DSCAM: variants seen among roughly 807,000 people sequenced by gnomAD.
DSCAM encodes cell adhesion molecule DSCAM.
In DSCAM, 47 loss-of-function variants were observed where a neutral mutation model predicts 217.7. The ratio of observed to expected loss-of-function variants is 0.22; its 90% confidence interval spans 0.17 to 0.28. The LOEUF (loss-of-function observed/expected upper bound fraction) is 0.28. Among genes scored for constraint, DSCAM ranks in the 10% least tolerant of loss-of-function variants. DSCAM has a pLI of 1.00. For missense variants in DSCAM, 2,080 were observed against 2,618.3 expected (o/e 0.79, Z 4.49); for synonymous variants, 1,056 against 1,015.3 (o/e 1.04, Z -0.76).
intron 32 of DSCAM, among the ~76,000 whole-genome samples, chr21:40,030,181 C>G (rs934485012): frequency 6.6e-6 from 1 of 152,218 alleles, no homozygotes; most frequent in Non-Finnish European, 1.5e-5. Flanking sequence ...TAGAGGAAGG[C>G]TTGCTCCCTC....
intron 3 of DSCAM, among the ~76,000 whole-genome samples, chr21:40,387,468 AT>A (rs1244400543): frequency 6.6e-6 from 1 of 152,014 alleles, no homozygotes; most frequent in African/African-American, 2.4e-5. Context: ...CTGGTTTGGG[AT>A]TTGTAGTCTC....
At chr21:40,018,174 G>A (rs2088198195) in intron 32 of DSCAM, among the ~76,000 whole-genome samples, 1 of 152,126 alleles carries the variant, frequency 6.6e-6, no homozygotes, top group East Asian at 1.9e-4. Context: ...CTGTCATTAA[G>A]AAAAAATTGA....
At chr21:40,229,058 A>G (rs1477667838) in intron 11 of DSCAM, among the ~76,000 whole-genome samples, 5 of 152,198 alleles carry the variant, frequency 3.3e-5, no homozygotes, top group Non-Finnish European at 7.3e-5. Context: ...CTTCATGGTG[A>G]GAAACCCAAC....
chr21:40,286,411 C>G (rs12626576), intron 10 of DSCAM, among the ~76,000 whole-genome samples: 53,892 of 151,870 alleles, frequency 0.35, 9,925 homozygotes, highest in East Asian at 0.44. Context: ...ACGAGGCTGG[C>G]GCAGAGTGAA....
intron 1 of DSCAM, among the ~76,000 whole-genome samples, chr21:40,818,900 A>G (rs1367523599): frequency 2.6e-5 from 4 of 152,242 alleles, no homozygotes; most frequent in Middle Eastern, 3.2e-3. Flanking sequence ...ATTATTTTAT[A>G]TAAAAAGAGC....
chr21:40,189,123 C>G lies in DSCAM; in HGVS notation c.2472G>C (p.Glu824Asp). ...EKPIIVRWEK[E>D]DRIINPEMAR... is the part of the protein sequence containing the mutation. ...CCATCTCAGGGTTAATGATTCGGTCCTCCTTCTCCCAGCGGACTATAATGG... is the reference window on the plus strand; with the variant it reads ...CCATCTCAGGGTTAATGATTCGGTCGTCCTTCTCCCAGCGGACTATAATGG... Residue 824 changes from glutamate (E) to aspartate (D), a missense_variant, in exon 12 of 33, where the codon GAG becomes GAC. Physicochemically the swap from Glu to Asp is conservative, Grantham distance 45. Around this residue, in one of 5 missense-constraint regions of DSCAM, gnomAD observed 1,144 missense variants for 1,421.1 expected, o/e 0.81. Transcript: ENST00000400454. 6.2e-7 allele frequency: 1 copy of G among 1,614,158 alleles called. No homozygotes were observed. Among genetic ancestry groups the G allele is most frequent in the East Asian group, 2.2e-5 (1 of 44,872 alleles).
chr21:40,629,901 AAG>A (rs1018322844), intron 3 of DSCAM, among the ~76,000 whole-genome samples: 6 of 152,340 alleles, frequency 3.9e-5, no homozygotes, highest in Middle Eastern at 3.4e-3. Context: ...AGATTAATAA[AAG>A]AAGTTATCTG....
intron 3 of DSCAM, among the ~76,000 whole-genome samples, chr21:40,518,684 A>G (rs748042116): frequency 7.2e-6 from 1 of 138,026 alleles, no homozygotes; most frequent in African/African-American, 2.9e-5. Context: ...GTGTGTATGT[A>G]TATATATGTA....
At chr21:40,106,499 A>G (rs2089822768) in intron 20 of DSCAM, among the ~76,000 whole-genome samples, 1 of 152,190 alleles carries the variant, frequency 6.6e-6, no homozygotes, top group African/African-American at 2.4e-5. Context: ...CGAGTTAGGA[A>G]GGAGTCCCCC....
chr21:40,142,542 A>G lies in DSCAM; in HGVS notation c.3406+16T>C, dbSNP rs1022883713. 1 of 1,613,606 alleles carries G rather than the reference A, an allele frequency of 6.2e-7. No individual in the cohort carries two copies. Among genetic ancestry groups the G allele is most frequent in the African/African-American group, 1.3e-5 (1 of 74,984 alleles). On this transcript the variant is annotated intron_variant, in intron 18 of 32. Coordinates refer to ENST00000400454, the MANE Select transcript of DSCAM (RefSeq NM_001389.5). Reference sequence around the variant, plus strand: ...TCTCTGGAGGCAAACCCAAAGTCCTAGTTTAGTCCTCTTACCTCCGTCCAT... The same window carrying G: ...TCTCTGGAGGCAAACCCAAAGTCCTGGTTTAGTCCTCTTACCTCCGTCCAT...
At chr21:40,675,435 C>A (rs888797499) in intron 3 of DSCAM, among the ~76,000 whole-genome samples, 1 of 152,154 alleles carries the variant, frequency 6.6e-6, no homozygotes, top group Admixed American at 6.5e-5. Context: ...CCTTCATTTC[C>A]ATCCAATGTA....
At chr21:40,687,731 C>T (rs185826412) in intron 3 of DSCAM, among the ~76,000 whole-genome samples, 65 of 152,288 alleles carry the variant, frequency 4.3e-4, no homozygotes, top group African/African-American at 1.3e-3. Context: ...TTCTCTACTT[C>T]CCCAGGCAAA....
chr21:40,141,245 G>T (rs187549421), intron 18 of DSCAM, among the ~76,000 whole-genome samples: 7 of 152,294 alleles, frequency 4.6e-5, no homozygotes, highest in East Asian at 1.9e-4. Context: ...AGCAGGGAAG[G>T]GATAGGTCCT....
At position 40,846,699 on chromosome 21, in the gene DSCAM, C is replaced by A; in HGVS notation, c.-38G>T. ...CCCCGGCCTCCCGCGAGCGACGCGCCGGCCTCGCCCCCCGCGCTCCGCCCG... is the reference window on the plus strand; with the variant it reads ...CCCCGGCCTCCCGCGAGCGACGCGCAGGCCTCGCCCCCCGCGCTCCGCCCG... On this transcript the variant is annotated 5_prime_UTR_variant, in exon 1 of 33. Transcript: ENST00000400454. The A allele has an allele frequency of 2.8e-6, 3 of 1,064,370 alleles. No homozygotes were observed. Among genetic ancestry groups the A allele is most frequent in the Non-Finnish European group, 3.5e-6 (3 of 861,904 alleles). The allele number at this position is 1,064,370 out of a possible 1,614,324, so 65.9% of individuals were successfully genotyped here.
intron 8 of DSCAM, among the ~76,000 whole-genome samples, chr21:40,313,662 T>G (rs1414542471): frequency 6.6e-6 from 1 of 152,186 alleles, no homozygotes; most frequent in Non-Finnish European, 1.5e-5. Context: ...TCAAAGATGT[T>G]ACCTTGCCCT....
At chr21:40,323,111 C>T (rs568565234) in intron 8 of DSCAM, among the ~76,000 whole-genome samples, 145 of 152,222 alleles carry the variant, frequency 9.5e-4, no homozygotes, top group African/African-American at 3.3e-3. Flanking sequence ...TCAGGACAAC[C>T]CTGAAGGACT....
At chr21:40,506,834 A>T (rs1364733083) in intron 3 of DSCAM, among the ~76,000 whole-genome samples, 1 of 152,250 alleles carries the variant, frequency 6.6e-6, no homozygotes, top group Admixed American at 6.5e-5. Context: ...TATCAACTTT[A>T]AATATAATAC....
At chr21:40,397,353 C>T (rs185475331) in intron 3 of DSCAM, among the ~76,000 whole-genome samples, 19 of 152,082 alleles carry the variant, frequency 1.2e-4, no homozygotes, top group Admixed American at 7.9e-4. Context: ...TGAGTTCACA[C>T]GAGATCTTGT....
chr21:40,498,665 ACC>A (rs1157166796), intron 3 of DSCAM, among the ~76,000 whole-genome samples: 36 of 74,312 alleles, frequency 4.8e-4, no homozygotes, highest in Non-Finnish European at 8.0e-4. Flanking sequence ...GTATATATAT[ACC>A]CATATATATA....
Sources: gnomAD v4.1 joint callset for allele counts (sites outside exome capture counted in the v4.1 genomes callset) on GRCh38, gnomAD v4.1.1 for gene constraint, gnomAD v4.1.1 regional missense constraint, MANE v1.5 for transcripts, NCBI Gene and HGNC (gene_info 2026-07-23, HGNC 2026-07-21) for gene names.